SLC38A1: variants seen among roughly 807,000 people sequenced by gnomAD.
The protein encoded by SLC38A1 is sodium-coupled neutral amino acid symporter 1.
In SLC38A1, 18 loss-of-function variants were observed where a neutral mutation model predicts 60.3. The ratio of observed to expected loss-of-function variants is 0.30; its 90% CI spans 0.21 to 0.44. SLC38A1 has a LOEUF of 0.44. Among genes scored for constraint, SLC38A1 ranks in the 20% least tolerant of loss-of-function variants. The pLI is 1.00. For missense variants in SLC38A1, 448 were observed against 587.2 expected (o/e 0.76, Z 2.45); for synonymous variants, 196 against 212.1 (o/e 0.92, Z 0.66).
chr12:46,203,033 C>T lies in SLC38A1; in HGVS notation c.879G>A (p.Leu293=), dbSNP rs748989021. ...ACTCTTTAAGCTCACTGTAAATTGGCAGGACTGACGGGTGGCAAACAAATG... is the reference window on the plus strand; with the variant it reads ...ACTCTTTAAGCTCACTGTAAATTGGTAGGACTGACGGGTGGCAAACAAATG... The part of the protein sequence containing the change: ...AFAFVCHPSV[L]PIYSELKDRS... Residue 293 remains leucine, a synonymous_variant, in exon 12 of 17, where the codon CTG becomes CTA. Transcript: ENST00000398637. 2.5e-6 allele frequency: 4 copies of T among 1,613,802 alleles called. No individual in the cohort carries two copies. The Admixed American group carries it at 6.7e-5, about 27-fold the overall frequency.
At chr12:46,241,611 G>C (rs1941451869) in intron 2 of SLC38A1, among the ~76,000 whole-genome samples, 1 of 152,208 alleles carries the variant, frequency 6.6e-6, no homozygotes, top group Non-Finnish European at 1.5e-5. Flanking sequence ...TCTAACCACA[G>C]TGGTGGTGCT....
intron 2 of SLC38A1, among the ~76,000 whole-genome samples, chr12:46,240,528 G>C: frequency 6.6e-6 from 1 of 152,166 alleles, no homozygotes; most frequent in South Asian, 2.1e-4. Context: ...AAGTGATTCA[G>C]TTATTTTAAT....
intron 1 of SLC38A1, among the ~76,000 whole-genome samples, chr12:46,258,309 A>G (rs528728628): frequency 6.6e-6 from 1 of 152,292 alleles, no homozygotes; most frequent in Non-Finnish European, 1.5e-5. Flanking sequence ...CTCAGCTCCT[A>G]TTTAAGATGG....
intron 3 of SLC38A1, among the ~76,000 whole-genome samples, chr12:46,237,455 G>A (rs569664874): frequency 6.7e-6 from 1 of 148,866 alleles, no homozygotes; most frequent in Non-Finnish European, 1.5e-5. Context: ...CAAGAGTCAT[G>A]AACTGAGTCA....
intron 5 of SLC38A1, among the ~76,000 whole-genome samples, chr12:46,215,211 C>G (rs1016909481): frequency 1.3e-5 from 2 of 152,144 alleles, no homozygotes; most frequent in Admixed American, 1.3e-4. Flanking sequence ...TGTGCATCAC[C>G]CGCCACACTG....
chr12:46,188,678 C>A lies in SLC38A1; in HGVS notation c.*292G>T. 7.8e-6 allele frequency: 2 copies of A among 255,592 alleles called. No homozygotes were observed. The highest frequency in any genetic ancestry group is 7.5e-6 in the Non-Finnish European group (1 of 132,978). The allele number at this position is 255,592 out of a possible 1,614,324, so 15.8% of individuals were successfully genotyped here. A position where few individuals can be genotyped will look rare whatever the true frequency, so the allele number is the denominator to read the frequency against. Reference sequence around the variant, plus strand: ...AAAGTTCTAAGAGACCGGGAAGCCACAAAACATAGAGTTAGATGGGTAAAA... The same window carrying A: ...AAAGTTCTAAGAGACCGGGAAGCCAAAAAACATAGAGTTAGATGGGTAAAA... On this transcript the variant is annotated 3_prime_UTR_variant, in exon 17 of 17. Transcript: ENST00000398637.
At position 46,188,721 on chromosome 12, in the gene SLC38A1, C is replaced by T; in HGVS notation, c.*249G>A. ...GGGTAAAAAATGATTGTGAAAAGTA[C>T]TGGGAAATATGATTGTATGAAATTT... On this transcript the variant is annotated 3_prime_UTR_variant, in exon 17 of 17. Transcript: ENST00000398637. 2.7e-6 allele frequency: 1 copy of T among 370,708 alleles called. No homozygotes were observed. 23.0% of individuals were successfully genotyped at this position (370,708 alleles called of 1,614,324 possible).
chr12:46,191,834 A>G (rs1005445693), intron 16 of SLC38A1, among the ~76,000 whole-genome samples: 2 of 152,208 alleles, frequency 1.3e-5, no homozygotes, highest in African/African-American at 4.8e-5. Context: ...TTGGGCTGAG[A>G]CAATGGGGTT....
rs544847219 is a variant in SLC38A1 at position 46,188,017 on chromosome 12, T to C, written c.*953A>G. On this transcript the variant is annotated 3_prime_UTR_variant, in exon 17 of 17. Coordinates refer to ENST00000398637, the MANE Select transcript of SLC38A1 (RefSeq NM_030674.4). ...TGTGCAACTAGCTGGTGGACATGAA[T>C]AAAAGCTGCTGGGCCTATAATGTAC... 17 of 152,252 alleles carry C rather than the reference T, an allele frequency of 1.1e-4. No homozygotes were observed. Among genetic ancestry groups the C allele is most frequent in the African/African-American group, 3.6e-4 (15 of 41,536 alleles). The allele number at this position is 152,252 out of a possible 1,614,324, so 9.4% of individuals were successfully genotyped here.
Position 46,207,618 on chromosome 12 carries a change from C to T in SLC38A1, c.392G>A (p.Cys131Tyr). 1 of 1,613,624 alleles carries T rather than the reference C, an allele frequency of 6.2e-7. No homozygotes were observed. The highest frequency in any genetic ancestry group is 8.5e-7 in the Non-Finnish European group (1 of 1,179,578). Residue 131 changes from cysteine to tyrosine, a missense_variant, in exon 7 of 17, where the codon TGC becomes TAC. Physicochemically the swap from Cys to Tyr is radical, Grantham distance 194. Transcript: ENST00000398637. ...TTCCCCCAGCTTTTCATACACCATG[C>T]AGCCTATTTAAAAATCAAATTTGAG... ...LLLICSKETGCMVYEKLGEQV... is the reference protein window; with the variant it reads ...LLLICSKETGYMVYEKLGEQV...
intron 3 of SLC38A1, among the ~76,000 whole-genome samples, chr12:46,235,582 G>T (rs1163742629): frequency 6.6e-6 from 1 of 152,150 alleles, no homozygotes; most frequent in Non-Finnish European, 1.5e-5. Flanking sequence ...ATGAAAGCAA[G>T]AGAAGAATTT....
chr12:46,228,775 C>T (rs968194669), intron 5 of SLC38A1, among the ~76,000 whole-genome samples: 3 of 152,134 alleles, frequency 2.0e-5, no homozygotes, highest in African/African-American at 4.8e-5. Context: ...TGATGTAGTA[C>T]ACGCTTCACA....
chr12:46,210,098 G>C (rs542066928), intron 5 of SLC38A1, among the ~76,000 whole-genome samples: 3 of 152,220 alleles, frequency 2.0e-5, no homozygotes, highest in East Asian at 3.9e-4. Context: ...ACATCATGCC[G>C]TTCGCTCTGC....
chr12:46,257,793 G>A (rs766997441), intron 1 of SLC38A1, among the ~76,000 whole-genome samples: 25 of 152,110 alleles, frequency 1.6e-4, no homozygotes, highest in Admixed American at 2.6e-4. Flanking sequence ...CACTTACTGC[G>A]GGTTTCTGCA....
chr12:46,207,550 T>C lies in SLC38A1; in HGVS notation c.460A>G (p.Thr154Ala). 1.9e-6 allele frequency: 3 copies of C among 1,613,916 alleles called. No individual in the cohort carries two copies. The highest frequency in any genetic ancestry group is 2.5e-6 in the Non-Finnish European group (3 of 1,179,800). The change falls in exon 7 of 17, where the codon ACC (threonine) becomes GCC (alanine). Residue 154 changes from threonine (T) to alanine (A), a missense_variant. Thr to Ala is a moderately conservative substitution (Grantham distance 58, BLOSUM62 0). Coordinates refer to ENST00000398637, the MANE Select transcript of SLC38A1 (RefSeq NM_030674.4). ...TTGKFVIFGA[T>A]SLQNTGAMLS... Reference sequence around the variant, plus strand: ...TTACCTCCAGTGTTCTGTAGAGAGGTGGCTCCAAAGATTACGAACTTCCCT... The same window carrying C: ...TTACCTCCAGTGTTCTGTAGAGAGGCGGCTCCAAAGATTACGAACTTCCCT...
At chr12:46,254,997 C>A (rs1941974258) in intron 1 of SLC38A1, 1 of 152,182 alleles carries the variant, frequency 6.6e-6, no homozygotes, top group Admixed American at 6.5e-5. Context: ...TTACTTTAGT[C>A]TTCCATTGTT....
intron 1 of SLC38A1, among the ~76,000 whole-genome samples, chr12:46,264,633 A>C (rs1942297391): frequency 2.0e-5 from 3 of 152,120 alleles, no homozygotes; most frequent in African/African-American, 7.2e-5. Context: ...TTATTTCAAT[A>C]GATTTTGGGG....
chr12:46,206,713 G>C (rs1357035950), intron 8 of SLC38A1, among the ~76,000 whole-genome samples: 1 of 152,176 alleles, frequency 6.6e-6, no homozygotes, highest in Non-Finnish European at 1.5e-5. Context: ...TGTGCCAAAT[G>C]TAGCTGCAAC....
intron 3 of SLC38A1, 136 bp downstream of exon 3, chr12:46,239,543 A>G: frequency 2.2e-6 from 2 of 898,420 alleles, no homozygotes; most frequent in Non-Finnish European, 3.4e-6. Context: ...GGGTTTCACC[A>G]TGTTGGTCAG....
Sources: allele counts gnomAD v4.1 joint callset (sites outside exome capture counted in the v4.1 genomes callset), GRCh38; gene constraint gnomAD v4.1.1; transcripts MANE v1.5; gene names NCBI Gene and HGNC (gene_info 2026-07-23, HGNC 2026-07-21).